The following GRIP1 variants were observed in gnomAD, a reference collection of about 807,000 sequenced individuals.
The protein encoded by GRIP1 is glutamate receptor-interacting protein 1.
A neutral mutation model predicts 129.9 loss-of-function variants in GRIP1; 45 were observed. That is an observed-to-expected ratio of 0.35 (90% CI 0.27 to 0.44). The LOEUF (loss-of-function observed/expected upper bound fraction) is 0.44. GRIP1 is among the 20% of genes least tolerant of loss of function. The pLI is 1.00. For missense variants in GRIP1, 1,196 were observed against 1,396.8 expected (o/e 0.86, Z 2.29); for synonymous variants, 530 against 520.8 (o/e 1.02, Z -0.24).
At chr12:66,817,844 T>C (rs2039251204) in intron 1 of GRIP1, among the ~76,000 whole-genome samples, 1 of 152,262 alleles carries the variant, frequency 6.6e-6, no homozygotes, top group Non-Finnish European at 1.5e-5. Flanking sequence ...GGCATTGTTT[T>C]ATATTTTTAC....
chr12:66,634,357 G>A (rs1372409921), intron 1 of GRIP1, among the ~76,000 whole-genome samples: 1 of 152,026 alleles, frequency 6.6e-6, no homozygotes, highest in Non-Finnish European at 1.5e-5. Context: ...AGTATTACTT[G>A]GCAATTTTAG....
At chr12:66,625,318 C>A (rs1014149645) in intron 1 of GRIP1, among the ~76,000 whole-genome samples, 1 of 152,110 alleles carries the variant, frequency 6.6e-6, no homozygotes, top group Admixed American at 6.6e-5. Flanking sequence ...ACTGAACTGA[C>A]TCCTTGATCT....
intron 1 of GRIP1, among the ~76,000 whole-genome samples, chr12:67,003,831 C>T (rs762365889): frequency 1.3e-5 from 2 of 152,104 alleles, no homozygotes; most frequent in Admixed American, 6.5e-5. Flanking sequence ...TTTCCTGATG[C>T]TACTATAATA....
chr12:66,507,078 G>C (rs573417267), intron 7 of GRIP1, among the ~76,000 whole-genome samples: 4 of 152,162 alleles, frequency 2.6e-5, no homozygotes, highest in Non-Finnish European at 5.9e-5. Context: ...CTTGTGTGTC[G>C]TGTTATAAAT....
intron 11 of GRIP1, among the ~76,000 whole-genome samples, chr12:66,448,524 C>T (rs116831844): frequency 0.015 from 2,312 of 152,124 alleles, 82 homozygotes; most frequent in African/African-American, 0.053. Flanking sequence ...TCAAACTTTC[C>T]GGATATGATG....
intron 5 of GRIP1, among the ~76,000 whole-genome samples, chr12:66,522,414 C>T (rs574534560): frequency 8.5e-5 from 13 of 152,192 alleles, no homozygotes; most frequent in African/African-American, 2.9e-4. Context: ...TGCTGATACC[C>T]AGGCAAACAG....
At chr12:66,748,734 A>C (rs1055994124) in intron 1 of GRIP1, among the ~76,000 whole-genome samples, 25 of 152,038 alleles carry the variant, frequency 1.6e-4, no homozygotes, top group African/African-American at 5.8e-4. Context: ...GACTTTCTAT[A>C]TGGTCTTTTT....
chr12:66,450,187 C>T (rs1300617547), intron 11 of GRIP1, among the ~76,000 whole-genome samples: 1 of 151,092 alleles, frequency 6.6e-6, no homozygotes, highest in Non-Finnish European at 1.5e-5. Context: ...GCCTGTAGTC[C>T]CAGCTACTCG....
chr12:66,839,743 T>A (rs905259120), intron 1 of GRIP1, among the ~76,000 whole-genome samples: 3 of 152,184 alleles, frequency 2.0e-5, no homozygotes, highest in African/African-American at 7.2e-5. Flanking sequence ...AGAACAGGTA[T>A]CCTACCTGGT....
Position 66,529,850 on chromosome 12 carries a change from G to A in GRIP1, c.483C>T (p.Thr161=). 2 of 1,594,156 alleles carry A rather than the reference G, an allele frequency of 1.3e-6. No individual in the cohort carries two copies. Among genetic ancestry groups the A allele is most frequent in the Non-Finnish European group, 1.7e-6 (2 of 1,161,914 alleles). ...ACCTACCTCGAATTACAAAACCAAA[G>A]GTATTGCCTTCTTTATGTAATGTGA... ...VEVTLHKEGN[T]FGFVIRGGAH... Residue 161 remains threonine (T), a synonymous_variant, in exon 5 of 25, where the codon ACC becomes ACT. Transcript: ENST00000359742.
At chr12:66,950,611 C>A (rs1230566921) in intron 1 of GRIP1, among the ~76,000 whole-genome samples, 1 of 151,652 alleles carries the variant, frequency 6.6e-6, no homozygotes, top group Non-Finnish European at 1.5e-5. Flanking sequence ...AGAATAGAAA[C>A]CAGTAGAATA....
At chr12:67,021,836 A>G (rs963228893) in intron 1 of GRIP1, among the ~76,000 whole-genome samples, 7 of 151,910 alleles carry the variant, frequency 4.6e-5, no homozygotes, top group Non-Finnish European at 8.8e-5. Context: ...TCTAGTAACC[A>G]CTATTCTAGT....
intron 1 of GRIP1, among the ~76,000 whole-genome samples, chr12:66,904,340 G>T (rs2137283347): frequency 6.6e-6 from 1 of 151,840 alleles, no homozygotes. Context: ...GAACTGCATG[G>T]AAAAGTGGAA....
intron 13 of GRIP1, among the ~76,000 whole-genome samples, chr12:66,436,866 A>T (rs1285589814): frequency 2.0e-5 from 3 of 151,766 alleles, no homozygotes; most frequent in Non-Finnish European, 2.9e-5. Context: ...CATGCCTATA[A>T]TCCCAGCTAC....
intron 1 of GRIP1, among the ~76,000 whole-genome samples, chr12:67,058,709 G>A (rs1199842293): frequency 2.0e-5 from 3 of 152,232 alleles, no homozygotes; most frequent in African/African-American, 4.8e-5. Flanking sequence ...TCATCTCTAA[G>A]CTGTTTAACC....
chr12:66,921,817 AC>A (rs1355377656), intron 1 of GRIP1, among the ~76,000 whole-genome samples: 1 of 152,044 alleles, frequency 6.6e-6, no homozygotes, highest in African/African-American at 2.4e-5. Context: ...TTTTCCCTCC[AC>A]TCTGAATGTT....
intron 2 of GRIP1, among the ~76,000 whole-genome samples, chr12:66,548,404 AC>A (rs2062014176): frequency 6.6e-6 from 1 of 152,232 alleles, no homozygotes; most frequent in Non-Finnish European, 1.5e-5. Flanking sequence ...GAAAGCCATT[AC>A]TGGCCTGCTT....
chr12:66,534,481 T>C (rs2061550759), intron 4 of GRIP1, among the ~76,000 whole-genome samples: 1 of 152,186 alleles, frequency 6.6e-6, no homozygotes, highest in Non-Finnish European at 1.5e-5. Context: ...GCTGTTCTCC[T>C]TTAAGGGCTC....
intron 1 of GRIP1, among the ~76,000 whole-genome samples, chr12:66,979,252 A>ACAACAAC (rs1555257218): frequency 5.4e-5 from 6 of 110,162 alleles, no homozygotes; most frequent in Non-Finnish European, 9.0e-5. Context: ...AAAAAAAAAA[A>ACAACAAC]AACAAGCCCG....
Sources: allele counts gnomAD v4.1 joint callset (sites outside exome capture counted in the v4.1 genomes callset), GRCh38; gene constraint gnomAD v4.1.1; transcripts MANE v1.5; gene names NCBI Gene and HGNC (gene_info 2026-07-23, HGNC 2026-07-21).